COLEC12: variants seen among roughly 807,000 people sequenced by gnomAD.
COLEC12 encodes the protein collectin subfamily member 12, also known as collectin-12.
COLEC12 carries 33 observed loss-of-function variants against 71.1 expected under a neutral mutation model. The ratio of observed to expected loss-of-function variants is 0.46; its 90% CI spans 0.35 to 0.62. The LOEUF is 0.62. COLEC12 is among the 20% of genes least tolerant of loss of function. The probability of loss-of-function intolerance (pLI) is 0.00; values close to 1 mark genes in which losing one functional copy is unlikely to be tolerated. For missense variants in COLEC12, 765 were observed against 916.1 expected, an observed-to-expected ratio of 0.84 and a Z score of 2.13; for synonymous variants, 350 against 353.0, an observed-to-expected ratio of 0.99 and a Z score of 0.10.
At chr18:415,532 G>T (rs1057445571) in intron 2 of COLEC12, among the ~76,000 whole-genome samples, 4 of 142,250 alleles carry the variant, frequency 2.8e-5, no homozygotes. Context: ...TGTTATTGTG[G>T]CTTACTGAAC....
intron 2 of COLEC12, among the ~76,000 whole-genome samples, chr18:358,135 T>C (rs1033175197): frequency 6.6e-6 from 1 of 152,104 alleles, no homozygotes; most frequent in African/African-American, 2.4e-5. Context: ...TGTCCATCCA[T>C]GGAAAAATTA....
chr18:372,709 G>A (rs746578046), intron 2 of COLEC12, among the ~76,000 whole-genome samples: 5 of 152,148 alleles, frequency 3.3e-5, no homozygotes, highest in Admixed American at 6.5e-5. Flanking sequence ...GAGCCACCAT[G>A]CCCGCCCAAA....
chr18:433,833 G>A (rs918710283), intron 2 of COLEC12, among the ~76,000 whole-genome samples: 10 of 151,958 alleles, frequency 6.6e-5, no homozygotes, highest in African/African-American at 2.2e-4. Context: ...ACAAGGTGGT[G>A]TGTGCCTGTA....
intron 8 of COLEC12, among the ~76,000 whole-genome samples, chr18:330,873 G>GTTTTTTTTTTTT (rs60146586): frequency 7.5e-6 from 1 of 133,766 alleles, no homozygotes; most frequent in Non-Finnish European, 1.5e-5. Flanking sequence ...CACATTTGTA[G>GTTTTTTTTTTTT]TTTTTTTTTT....
chr18:335,215 C>G lies in COLEC12; in HGVS notation c.1343G>C (p.Arg448Thr). The change falls in exon 6 of 10, where the codon AGG (arginine) becomes ACG (threonine). Residue 448 changes from arginine to threonine, a missense_variant. Coordinates refer to ENST00000400256, the MANE Select transcript of COLEC12 (RefSeq NM_130386.3). ...FTILQGPPGP[R>T]GPRGDRGSQG... is the part of the protein sequence containing the mutation. ...GGATCCTCTGTCACCTCTTGGACCC[C>G]TGGGGCCCGGTGGACCTAAAGCATA... 3 of 1,597,780 alleles carry G rather than the reference C, an allele frequency of 1.9e-6. No individual in the cohort carries two copies. The highest frequency in any genetic ancestry group is 1.7e-6 in the Non-Finnish European group (2 of 1,175,222).
intron 6 of COLEC12, 71 bp downstream of exon 6, chr18:334,671 C>T (rs955782462): frequency 1.5e-6 from 2 of 1,328,336 alleles, no homozygotes; most frequent in Non-Finnish European, 2.0e-6. Context: ...GGGCCACACA[C>T]TGGGGGTTGG....
chr18:422,742 T>G (rs936093205), intron 2 of COLEC12, among the ~76,000 whole-genome samples: 4 of 152,184 alleles, frequency 2.6e-5, no homozygotes, highest in African/African-American at 9.6e-5. Context: ...ATTCTAAGCA[T>G]GTACATATGG....
At chr18:409,084 C>T (rs2063677703) in intron 2 of COLEC12, among the ~76,000 whole-genome samples, 1 of 150,776 alleles carries the variant, frequency 6.6e-6, no homozygotes, top group Non-Finnish European at 1.5e-5. Context: ...GATCCGCCTG[C>T]CTCAGCCTCC....
chr18:495,621 A>G (rs931801748), intron 1 of COLEC12, among the ~76,000 whole-genome samples: 1 of 152,178 alleles, frequency 6.6e-6, no homozygotes, highest in African/African-American at 2.4e-5. Flanking sequence ...GAACACATCA[A>G]TCCTTCAGAC....
Position 421,231 on chromosome 18 carries a change from A to G in COLEC12, c.58+59476T>C, listed in dbSNP as rs958380736. On this transcript the variant is annotated intron_variant, in intron 2 of 9. Transcript: ENST00000400256. Reference sequence around the variant, plus strand: ...CTCCTTGCCTGGTGATATAAACCAAATATGTTTTACTAATAGCCCATGTTA... The same window carrying G: ...CTCCTTGCCTGGTGATATAAACCAAGTATGTTTTACTAATAGCCCATGTTA... 7.2e-5 allele frequency among the ~76,000 whole-genome samples: 11 copies of G among 152,338 alleles called. No individual in the cohort carries two copies. In the East Asian group the frequency reaches 1.7e-3, roughly 24 times the overall value.
chr18:428,246 A>G (rs1167941027), intron 2 of COLEC12, among the ~76,000 whole-genome samples: 1 of 151,514 alleles, frequency 6.6e-6, no homozygotes, highest in Non-Finnish European at 1.5e-5. Context: ...CTGGGCAAAA[A>G]GAGTGAAACT....
In COLEC12 at chr18:319,334, AAAAAAAAATAT is replaced by A. The variant is rs1315803074; in HGVS notation, c.*700_*710del. 12 of 53,828 alleles carry A rather than the reference AAAAAAAAATAT, an allele frequency of 2.2e-4. No individual in the cohort carries two copies. Among genetic ancestry groups the A allele is most frequent in the African/African-American group, 6.2e-4 (11 of 17,664 alleles). The allele number at this position is 53,828 out of a possible 1,614,324, so 3.3% of individuals were successfully genotyped here. On this transcript the variant is annotated 3_prime_UTR_variant, in exon 10 of 10. Transcript: ENST00000400256. ...GAAATGAAACATTAAAAAAAAAAAA[AAAAAAAAATAT>A]ATATATATATATATATATACACATG...
rs1913587368 is a variant in COLEC12 at position 318,015 on chromosome 18, CG to C, written c.*2029del. 1 of 149,298 alleles carries C rather than the reference CG, an allele frequency of 6.7e-6. No homozygotes were observed. The highest frequency in any genetic ancestry group is 6.7e-5 in the Admixed American group (1 of 14,994). The allele number at this position is 149,298 out of a possible 1,614,324, so 9.2% of individuals were successfully genotyped here. A position where few individuals can be genotyped will look rare whatever the true frequency, so the allele number is the denominator to read the frequency against. On this transcript the variant is annotated 3_prime_UTR_variant, in exon 10 of 10. Coordinates refer to ENST00000400256, the MANE Select transcript of COLEC12 (RefSeq NM_130386.3). ...CTTTTTGAGATGAGTCTCGCTCTGT[CG>C]CCCAGGCTGGAGTGCAGTGGCGCGA...
intron 2 of COLEC12, among the ~76,000 whole-genome samples, chr18:433,966 A>AAAC (rs1433202772): frequency 6.6e-6 from 1 of 150,826 alleles, no homozygotes; most frequent in African/African-American, 2.4e-5. Flanking sequence ...CCTGCCTCAA[A>AAAC]AAAAAAAAAA....
chr18:366,550 C>T, intron 2 of COLEC12, among the ~76,000 whole-genome samples: 1 of 152,200 alleles, frequency 6.6e-6, no homozygotes, highest in East Asian at 1.9e-4. Context: ...ATCTTCATAG[C>T]TACCTCCTTG....
intron 2 of COLEC12, among the ~76,000 whole-genome samples, chr18:471,671 G>A (rs192505759): frequency 2.9e-4 from 43 of 150,814 alleles, no homozygotes; most frequent in African/African-American, 1.0e-3. Context: ...AATATAAATT[G>A]TTGCTTTTTA....
At chr18:366,479 AT>A (rs1914858796) in intron 2 of COLEC12, among the ~76,000 whole-genome samples, 1 of 151,948 alleles carries the variant, frequency 6.6e-6, no homozygotes, top group Non-Finnish European at 1.5e-5. Context: ...CCCTTTCCTA[AT>A]TTGCCTTGAA....
intron 1 of COLEC12, among the ~76,000 whole-genome samples, chr18:495,480 C>T (rs553775664): frequency 9.4e-4 from 143 of 152,254 alleles, no homozygotes; most frequent in African/African-American, 3.3e-3. Context: ...TACAGTGGGC[C>T]ATCCACATTC....
chr18:356,079 C>T (rs777745276), intron 3 of COLEC12, among the ~76,000 whole-genome samples: 3 of 152,080 alleles, frequency 2.0e-5, no homozygotes, highest in Admixed American at 6.6e-5. Context: ...CTAAAAGTCC[C>T]GACTGTACTG....
Sources: gnomAD v4.1 joint callset for allele counts (sites outside exome capture counted in the v4.1 genomes callset) on GRCh38, gnomAD v4.1.1 for gene constraint, MANE v1.5 for transcripts, NCBI Gene and HGNC (gene_info 2026-07-23, HGNC 2026-07-21) for gene names.